PPM1H: variants seen among roughly 807,000 people sequenced by gnomAD.
The protein encoded by PPM1H is protein phosphatase 1H.
In PPM1H, 27 loss-of-function variants were observed where a neutral mutation model predicts 54.9. That is an observed-to-expected ratio of 0.49 (90% CI 0.36 to 0.68). The LOEUF (loss-of-function observed/expected upper bound fraction) is 0.68. Among genes scored for constraint, PPM1H ranks in the 30% least tolerant of loss-of-function variants. The probability of loss-of-function intolerance (pLI) is 0.00; values close to 1 mark genes in which losing one functional copy is unlikely to be tolerated. For missense variants in PPM1H, 596 were observed against 667.8 expected, an observed-to-expected ratio of 0.89 and a Z score of 1.19; for synonymous variants, 305 against 270.8, an observed-to-expected ratio of 1.13 and a Z score of -1.24.
intron 2 of PPM1H, among the ~76,000 whole-genome samples, chr12:62,806,770 G>T (rs1350361254): frequency 6.6e-6 from 1 of 152,196 alleles, no homozygotes; most frequent in East Asian, 1.9e-4. Context: ...GGACCAGTGA[G>T]CCAGTTAAAC....
chr12:62,887,828 G>C (rs1402099473), intron 1 of PPM1H, among the ~76,000 whole-genome samples: 1 of 152,176 alleles, frequency 6.6e-6, no homozygotes, highest in Non-Finnish European at 1.5e-5. Context: ...ACTGGCAAAG[G>C]CAATGGCAGT....
chr12:62,773,761 T>A (rs77290048), intron 4 of PPM1H, among the ~76,000 whole-genome samples: 3,656 of 152,074 alleles, frequency 0.024, 152 homozygotes, highest in African/African-American at 0.081. Flanking sequence ...TGCCGTACAG[T>A]TCTTCTGAAG....
intron 6 of PPM1H, among the ~76,000 whole-genome samples, chr12:62,715,998 A>G (rs1265898857): frequency 1.3e-5 from 2 of 152,158 alleles, no homozygotes; most frequent in African/African-American, 4.8e-5. Flanking sequence ...GATCATGTCT[A>G]ATTATCCTAA....
intron 4 of PPM1H, among the ~76,000 whole-genome samples, chr12:62,766,818 T>C (rs2076546842): frequency 1.3e-5 from 2 of 152,192 alleles, no homozygotes; most frequent in Admixed American, 1.3e-4. Context: ...GCTTCAGGCT[T>C]TACCAGGGAT....
intron 2 of PPM1H, among the ~76,000 whole-genome samples, chr12:62,808,818 C>T (rs2076819968): frequency 1.3e-5 from 2 of 152,096 alleles, no homozygotes; most frequent in African/African-American, 4.8e-5. Flanking sequence ...TGAGAAGCCT[C>T]CATTTTACCA....
At chr12:62,840,131 C>CT in intron 1 of PPM1H, 1 of 151,690 alleles carries the variant, frequency 6.6e-6, no homozygotes, top group Non-Finnish European at 1.5e-5. Flanking sequence ...AACTGGGTGG[C>CT]TTGTAAATTT....
At chr12:62,867,566 T>C (rs1440608386) in intron 1 of PPM1H, among the ~76,000 whole-genome samples, 2 of 56,936 alleles carry the variant, frequency 3.5e-5, no homozygotes, top group African/African-American at 1.7e-4. Context: ...TGAGCACTAT[T>C]TTTTTTTTTT....
At chr12:62,849,536 C>A (rs1445048523) in intron 1 of PPM1H, among the ~76,000 whole-genome samples, 4 of 152,096 alleles carry the variant, frequency 2.6e-5, no homozygotes, top group African/African-American at 9.7e-5. Flanking sequence ...GCTCTCAGAT[C>A]TAGAAGGAAA....
intron 1 of PPM1H, among the ~76,000 whole-genome samples, chr12:62,923,305 C>T (rs1042737072): frequency 3.9e-5 from 6 of 152,160 alleles, no homozygotes; most frequent in African/African-American, 7.2e-5. Context: ...GCAAATCTAA[C>T]AAAATGTGAA....
chr12:62,737,230 A>C (rs1205039488), intron 5 of PPM1H, among the ~76,000 whole-genome samples: 5 of 150,932 alleles, frequency 3.3e-5, no homozygotes, highest in South Asian at 2.1e-4. Flanking sequence ...AAAAAAAAAA[A>C]AACAAAAAAA....
At chr12:62,752,142 G>C (rs2076445626) in intron 4 of PPM1H, among the ~76,000 whole-genome samples, 1 of 152,208 alleles carries the variant, frequency 6.6e-6, no homozygotes. Flanking sequence ...AAGTGAGTTA[G>C]CCACTCTGAG....
At chr12:62,684,287 G>T (rs10877907) in intron 8 of PPM1H, among the ~76,000 whole-genome samples, 14,879 of 152,084 alleles carry the variant, frequency 0.098, 1,184 homozygotes, top group African/African-American at 0.21. Context: ...TTGGAATTCA[G>T]TTCTTGGCCA....
intron 9 of PPM1H, chr12:62,659,268 G>GAAAAAAAA: frequency 7.1e-5 from 1 of 14,064 alleles, no homozygotes; most frequent in Non-Finnish European, 1.4e-4. Flanking sequence ...CGTAAAAACT[G>GAAAAAAAA]CAAAAAAAAA....
chr12:62,872,612 A>G (rs2121010026), intron 1 of PPM1H, among the ~76,000 whole-genome samples: 1 of 152,354 alleles, frequency 6.6e-6, no homozygotes, highest in East Asian at 1.9e-4. Context: ...TTCTGTGTTG[A>G]AAGAATAATT....
chr12:62,648,711 G>T, intron 9 of PPM1H, 75 bp from the exon 10 acceptor site: 1 of 1,497,844 alleles, frequency 6.7e-7, no homozygotes, highest in Non-Finnish European at 9.2e-7. Context: ...GGCTGGGAAG[G>T]GGGAGGCATC....
intron 4 of PPM1H, among the ~76,000 whole-genome samples, chr12:62,745,357 T>C (rs974608623): frequency 1.3e-5 from 2 of 152,258 alleles, no homozygotes; most frequent in Admixed American, 6.5e-5. Context: ...CCACCGCACC[T>C]GGTTAACTTT....
chr12:62,920,501 T>G (rs867247461), intron 1 of PPM1H, among the ~76,000 whole-genome samples: 13 of 150,966 alleles, frequency 8.6e-5, no homozygotes, highest in Non-Finnish European at 1.2e-4. Flanking sequence ...TTTTTTTTTT[T>G]TGTGGAGACT....
chr12:62,810,128 A>G (rs950892572), intron 2 of PPM1H, among the ~76,000 whole-genome samples: 1 of 152,160 alleles, frequency 6.6e-6, no homozygotes, highest in African/African-American at 2.4e-5. Flanking sequence ...AAATATACAA[A>G]GAAAGAAAAG....
Position 62,934,740 on chromosome 12 carries a change from A to C in PPM1H, c.-4T>G, listed in dbSNP as rs756330374. The C allele has an allele frequency of 1.3e-6, 2 of 1,537,060 alleles. No individual in the cohort carries two copies. Among genetic ancestry groups the C allele is most frequent in the Non-Finnish European group, 1.8e-6 (2 of 1,137,272 alleles). On this transcript the variant is annotated 5_prime_UTR_variant, in exon 1 of 10. It removes the in-frame stop codon of an upstream open reading frame in the 5' UTR. Transcript: ENST00000228705. This position sits in a 1 kb window ranked among gnomAD's most constrained non-coding sequence, Gnocchi z 4.2. ...CAGATTTCACTCGAGTGAGCATATT[A>C]CTCCGGCGCCCGGCTGCAGCGGTGC...
Sources: allele counts gnomAD v4.1 joint callset (sites outside exome capture counted in the v4.1 genomes callset), GRCh38; gene constraint gnomAD v4.1.1; non-coding constraint Gnocchi (gnomAD v3.1); transcripts MANE v1.5; gene names NCBI Gene and HGNC (gene_info 2026-07-23, HGNC 2026-07-21).